PDS5B: variants seen among roughly 807,000 people sequenced by gnomAD.
PDS5B encodes the protein sister chromatid cohesion protein PDS5 homolog B.
In PDS5B, 51 loss-of-function variants were observed where a neutral mutation model predicts 184.1. That is an observed-to-expected ratio of 0.28 (90% CI 0.22 to 0.35). The LOEUF (loss-of-function observed/expected upper bound fraction) is 0.35, where lower values mean the gene tolerates loss of function less well. Among genes scored for constraint, PDS5B ranks in the 10% least tolerant of loss-of-function variants. The pLI is 1.00. For synonymous variants in PDS5B, 566 were observed against 569.2 expected, an observed-to-expected ratio of 0.99 and a Z score of 0.08; for missense variants, 1,180 against 1,723.3, an observed-to-expected ratio of 0.68 and a Z score of 5.58.
In PDS5B at chr13:32,777,260, G is replaced by A. The variant is rs1294223882; in HGVS notation, c.*2208G>A. 1 of 150,960 alleles carries A rather than the reference G, an allele frequency of 6.6e-6. No individual in the cohort carries two copies. The highest frequency in any genetic ancestry group is 2.4e-5 in the African/African-American group (1 of 41,104). The allele number at this position is 150,960 out of a possible 1,614,324, so 9.4% of individuals were successfully genotyped here. A position where few individuals can be genotyped will look rare whatever the true frequency, so the allele number is the denominator to read the frequency against. On this transcript the variant is annotated 3_prime_UTR_variant, in exon 35 of 35. Transcript: ENST00000315596. ...CAAAAAAATGTTCATTGTAGATTTT[G>A]TTATGTTCAATGCCAATGAGTCTGT...
At chr13:32,644,608 T>A (rs1950175026) in intron 1 of PDS5B, among the ~76,000 whole-genome samples, 1 of 152,212 alleles carries the variant, frequency 6.6e-6, no homozygotes, top group Admixed American at 6.5e-5. Context: ...ATAGTAGGTA[T>A]GTTCCTGTAG....
intron 14 of PDS5B, 57 bp downstream of exon 14, chr13:32,694,361 T>G (rs1951641215): frequency 4.0e-6 from 4 of 1,010,940 alleles, no homozygotes; most frequent in Non-Finnish European, 6.2e-6. Flanking sequence ...TTAATTACTA[T>G]TTACCATTGC....
chr13:32,664,560 T>G (rs935607942), intron 6 of PDS5B, among the ~76,000 whole-genome samples: 6 of 152,200 alleles, frequency 3.9e-5, no homozygotes, highest in African/African-American at 1.4e-4. Flanking sequence ...TGATCAATAA[T>G]TCAATCAAAA....
intron 19 of PDS5B, among the ~76,000 whole-genome samples, chr13:32,714,514 G>A (rs567883868): frequency 1.1e-3 from 169 of 152,288 alleles, no homozygotes; most frequent in Middle Eastern, 6.8e-3. Flanking sequence ...ACTGGAGTCT[G>A]TTTTAGCTCT....
chr13:32,701,604 A>G (rs1951863303), intron 17 of PDS5B, among the ~76,000 whole-genome samples, 166 bp downstream of exon 17: 1 of 130,060 alleles, frequency 7.7e-6, no homozygotes, highest in Non-Finnish European at 1.5e-5. Context: ...ATGCACACAC[A>G]CACACACAGA....
Position 32,693,451 on chromosome 13 carries a change from A to T in PDS5B, c.1470-772A>T, listed in dbSNP as rs371962433. On this transcript the variant is annotated intron_variant, in intron 13 of 34. Coordinates refer to ENST00000315596, the MANE Select transcript of PDS5B (RefSeq NM_015032.4). The stretch of plus-strand genomic sequence containing the variant: ...AAATATTAAACGATGTTCTTTGTCT[A>T]TTAAAAGAAAAAGAGTTTCTTATAT... Among the ~76,000 whole-genome samples the T allele has an allele frequency of 3.3e-5, 5 of 151,932 alleles. No homozygotes were observed. The East Asian group carries it at 9.6e-4, about 29-fold the overall frequency.
intron 3 of PDS5B, among the ~76,000 whole-genome samples, chr13:32,656,439 T>G (rs1950515924): frequency 6.6e-6 from 1 of 151,998 alleles, no homozygotes; most frequent in Non-Finnish European, 1.5e-5. Flanking sequence ...CATGGCCTTT[T>G]TAGTAACATT....
chr13:32,746,999 A>G (rs183361082), intron 24 of PDS5B, among the ~76,000 whole-genome samples: 2 of 152,352 alleles, frequency 1.3e-5, no homozygotes, highest in Admixed American at 6.5e-5. Flanking sequence ...TTATACTTTT[A>G]TAAAGACATG....
chr13:32,768,763 A>G (rs1318665009), intron 31 of PDS5B, among the ~76,000 whole-genome samples: 1 of 145,172 alleles, frequency 6.9e-6, no homozygotes, highest in Non-Finnish European at 1.5e-5. Flanking sequence ...ACTGCACTCC[A>G]GCCTGGGTGA....
At chr13:32,655,933 A>T (rs893568191) in intron 3 of PDS5B, among the ~76,000 whole-genome samples, 2 of 152,098 alleles carry the variant, frequency 1.3e-5, no homozygotes, top group Non-Finnish European at 2.9e-5. Flanking sequence ...TTCCTAGGTC[A>T]TCTTCCAGGG....
intron 28 of PDS5B, 21 bp from the exon 29 acceptor site, chr13:32,759,607 T>G (rs1799645304): frequency 7.0e-7 from 1 of 1,419,636 alleles, no homozygotes; most frequent in Non-Finnish European, 9.8e-7. Flanking sequence ...CACTGACTAC[T>G]TCTTTTTCTC....
chr13:32,686,044 C>G (rs900856525), intron 11 of PDS5B, among the ~76,000 whole-genome samples: 1 of 151,914 alleles, frequency 6.6e-6, no homozygotes, highest in Non-Finnish European at 1.5e-5. Flanking sequence ...GAAAGAAAAA[C>G]CAAGGAATAA....
chr13:32,637,751 A>C (rs1011749654), intron 1 of PDS5B, among the ~76,000 whole-genome samples: 5 of 152,208 alleles, frequency 3.3e-5, no homozygotes, highest in Non-Finnish European at 7.3e-5. Flanking sequence ...CAAAAGGAAA[A>C]TAATGTTTCA....
At chr13:32,623,071 G>A (rs1032405653) in intron 1 of PDS5B, among the ~76,000 whole-genome samples, 6 of 152,132 alleles carry the variant, frequency 3.9e-5, no homozygotes, top group African/African-American at 1.4e-4. Flanking sequence ...TGAAATCACA[G>A]GGATGTCAAC....
At chr13:32,749,522 A>G (rs1451217363) in intron 24 of PDS5B, among the ~76,000 whole-genome samples, 1 of 152,172 alleles carries the variant, frequency 6.6e-6, no homozygotes, top group Admixed American at 6.5e-5. Context: ...GATATTTTAG[A>G]ACTTGGAATT....
At chr13:32,609,906 A>C (rs1490753520) in intron 1 of PDS5B, among the ~76,000 whole-genome samples, 1 of 152,128 alleles carries the variant, frequency 6.6e-6, no homozygotes, top group African/African-American at 2.4e-5. Flanking sequence ...AAAAGAAAAA[A>C]AAAAAACAAA....
At chr13:32,690,416 G>C (rs1042691398) in intron 13 of PDS5B, 2 of 152,166 alleles carry the variant, frequency 1.3e-5, no homozygotes, top group African/African-American at 2.4e-5. Context: ...AAGGTAATAG[G>C]TAAGTAATGA....
chr13:32,691,022 T>C (rs1951532812), intron 13 of PDS5B: 2 of 152,062 alleles, frequency 1.3e-5, no homozygotes, highest in African/African-American at 4.8e-5. Flanking sequence ...TATGTAATAA[T>C]AAAGAAATCA....
chr13:32,648,670 T>A, intron 1 of PDS5B, 84 bp from the exon 2 acceptor site: 1 of 616,746 alleles, frequency 1.6e-6, no homozygotes, highest in Non-Finnish European at 2.9e-6. Flanking sequence ...CAAATTTTGG[T>A]TGGTGGGGAA....
Sources: allele counts gnomAD v4.1 joint callset (sites outside exome capture counted in the v4.1 genomes callset), GRCh38; gene constraint gnomAD v4.1.1; transcripts MANE v1.5; gene names NCBI Gene and HGNC (gene_info 2026-07-23, HGNC 2026-07-21).